Variants in RPH3A observed in about 807,000 individuals in gnomAD.
RPH3A encodes rabphilin 3A, also known as rabphilin-3A.
In RPH3A, 48 loss-of-function variants were observed where a neutral mutation model predicts 102.2. The observed-to-expected ratio is 0.47, with a 90% CI of 0.37 to 0.60. The LOEUF (loss-of-function observed/expected upper bound fraction) is 0.60, where lower values mean the gene tolerates loss of function less well. Among genes scored for constraint, RPH3A ranks in the 20% least tolerant of loss-of-function variants. RPH3A has a pLI of 0.00. For missense variants in RPH3A, 781 were observed against 910.1 expected (o/e 0.86, Z 1.83); for synonymous variants, 310 against 324.3 (o/e 0.96, Z 0.47).
At chr12:112,642,862 C>T (rs2039900557) in intron 1 of RPH3A, among the ~76,000 whole-genome samples, 1 of 152,114 alleles carries the variant, frequency 6.6e-6, no homozygotes, top group Non-Finnish European at 1.5e-5. Flanking sequence ...CAGTGTTTTT[C>T]AAATGGGAGT....
intron 5 of RPH3A, among the ~76,000 whole-genome samples, chr12:112,858,626 G>A (rs1052626535): frequency 1.2e-4 from 18 of 152,304 alleles, no homozygotes; most frequent in Middle Eastern, 3.4e-3. Context: ...AACAATGTCC[G>A]ATCTCTCACT....
At chr12:112,770,563 C>T (rs946132296) in intron 1 of RPH3A, among the ~76,000 whole-genome samples, 22 of 152,250 alleles carry the variant, frequency 1.4e-4, no homozygotes, top group African/African-American at 5.1e-4. Context: ...AGGTTAGACT[C>T]GAACTCCCGA....
intron 2 of RPH3A, among the ~76,000 whole-genome samples, chr12:112,821,559 C>G (rs1226037318): frequency 6.6e-6 from 1 of 152,322 alleles, no homozygotes; most frequent in East Asian, 1.9e-4. Context: ...TGCTCTCCCC[C>G]AGATGGCCAT....
chr12:112,628,423 T>C (rs1340118410), intron 1 of RPH3A, among the ~76,000 whole-genome samples: 4 of 151,736 alleles, frequency 2.6e-5, no homozygotes, highest in African/African-American at 9.7e-5. Context: ...GGAGCCACTC[T>C]GGGACTTTGG....
intron 1 of RPH3A, among the ~76,000 whole-genome samples, chr12:112,684,327 C>T (rs150025976): frequency 7.6e-4 from 116 of 152,246 alleles, no homozygotes; most frequent in Non-Finnish European, 1.4e-3. Context: ...GGTACAATCT[C>T]GGCTCACTGA....
chr12:112,700,595 C>A (rs2040387065), intron 1 of RPH3A, among the ~76,000 whole-genome samples: 1 of 152,196 alleles, frequency 6.6e-6, no homozygotes, highest in South Asian at 2.1e-4. Flanking sequence ...CGAGTCTGCA[C>A]CTGGTCTGCT....
intron 1 of RPH3A, among the ~76,000 whole-genome samples, chr12:112,618,329 T>C (rs2039696779): frequency 6.6e-6 from 1 of 152,198 alleles, no homozygotes; most frequent in Non-Finnish European, 1.5e-5. Flanking sequence ...AAATTTCCTG[T>C]TGCTATTCTG....
In RPH3A at chr12:112,896,986, G is replaced by T. The variant is rs961387385; in HGVS notation, c.*206G>T. 2 of 558,576 alleles carry T rather than the reference G, an allele frequency of 3.6e-6. No individual in the cohort carries two copies. Among genetic ancestry groups the T allele is most frequent in the African/African-American group, 3.8e-5 (2 of 53,166 alleles). The allele number at this position is 558,576 out of a possible 1,614,324, so 34.6% of individuals were successfully genotyped here. A position where few individuals can be genotyped will look rare whatever the true frequency, so the allele number is the denominator to read the frequency against. ...TGCTGGGATGTGGGCTCTGAATACA[G>T]CCCCTCTCTCATCCCTGGGATGGAG... On this transcript the variant is annotated 3_prime_UTR_variant, in exon 22 of 22. Transcript: ENST00000389385.
At chr12:112,863,824 C>T (rs1341428126) in intron 5 of RPH3A, among the ~76,000 whole-genome samples, 1 of 152,210 alleles carries the variant, frequency 6.6e-6, no homozygotes. Context: ...TGACTTGACA[C>T]TCAATGTGCT....
intron 1 of RPH3A, among the ~76,000 whole-genome samples, chr12:112,674,976 C>T (rs534012491): frequency 1.6e-4 from 24 of 152,254 alleles, no homozygotes; most frequent in Admixed American, 7.8e-4. Flanking sequence ...AGGATTCTGA[C>T]GATAAGGTCC....
At chr12:112,714,021 C>A (rs999747872) in intron 1 of RPH3A, among the ~76,000 whole-genome samples, 1 of 152,100 alleles carries the variant, frequency 6.6e-6, no homozygotes, top group Non-Finnish European at 1.5e-5. Flanking sequence ...AGGAGGGTAC[C>A]CCCTCATGGG....
chr12:112,691,254 C>T (rs1053046679), intron 1 of RPH3A, among the ~76,000 whole-genome samples: 1 of 152,066 alleles, frequency 6.6e-6, no homozygotes, highest in African/African-American at 2.4e-5. Context: ...CCTCGTGATC[C>T]GCCCGCCTCG....
chr12:112,748,748 A>G (rs1387738448), intron 1 of RPH3A, among the ~76,000 whole-genome samples: 1 of 152,124 alleles, frequency 6.6e-6, no homozygotes, highest in Non-Finnish European at 1.5e-5. Context: ...GACCACTGCC[A>G]TTGACCCTGA....
chr12:112,781,708 C>T (rs952286637), intron 1 of RPH3A, among the ~76,000 whole-genome samples: 2 of 152,212 alleles, frequency 1.3e-5, no homozygotes, highest in Admixed American at 6.5e-5. Flanking sequence ...CTCAATCATT[C>T]GTTCATTCAT....
chr12:112,716,579 A>G (rs2040514516), intron 1 of RPH3A, among the ~76,000 whole-genome samples: 1 of 152,224 alleles, frequency 6.6e-6, no homozygotes, highest in African/African-American at 2.4e-5. Flanking sequence ...CTAGCCAACA[A>G]CACAAACGTT....
At chr12:112,579,206 G>A (rs2039379691) in intron 1 of RPH3A, among the ~76,000 whole-genome samples, 1 of 152,124 alleles carries the variant, frequency 6.6e-6, no homozygotes, top group African/African-American at 2.4e-5. Flanking sequence ...CTGTCAAATA[G>A]GTCGCACTTC....
intron 5 of RPH3A, among the ~76,000 whole-genome samples, chr12:112,859,480 C>G (rs956622924): frequency 6.6e-6 from 1 of 152,142 alleles, no homozygotes; most frequent in African/African-American, 2.4e-5. Context: ...TTACCCATAA[C>G]CCCTCACTGC....
chr12:112,617,531 A>C (rs559556233), intron 1 of RPH3A, among the ~76,000 whole-genome samples: 1 of 152,340 alleles, frequency 6.6e-6, no homozygotes, highest in Non-Finnish European at 1.5e-5. Context: ...GCTCAATATC[A>C]GAGAGAAAAA....
intron 2 of RPH3A, among the ~76,000 whole-genome samples, chr12:112,798,681 T>G (rs1182657973): frequency 6.6e-6 from 1 of 152,146 alleles, no homozygotes; most frequent in Non-Finnish European, 1.5e-5. Flanking sequence ...TCTGCCTTCC[T>G]GTGTTTTTCC....
Sources: allele counts gnomAD v4.1 joint callset (sites outside exome capture counted in the v4.1 genomes callset), GRCh38; gene constraint gnomAD v4.1.1; transcripts MANE v1.5; gene names NCBI Gene and HGNC (gene_info 2026-07-23, HGNC 2026-07-21).